The following GRIK2 variants were observed in gnomAD, a reference collection of about 807,000 sequenced individuals.
GRIK2 encodes the protein glutamate receptor ionotropic, kainate 2.
Under a neutral mutation model 100.3 loss-of-function variants are expected in GRIK2, and 32 were observed. The observed-to-expected ratio is 0.32, with a 90% confidence interval of 0.24 to 0.43. The LOEUF (loss-of-function observed/expected upper bound fraction) is 0.43. Ranked by LOEUF, GRIK2 falls within the 20% of genes least tolerant of loss-of-function variation. The pLI is 1.00. For missense variants in GRIK2, 843 were observed against 1,114.9 expected (o/e 0.76, Z 3.47); for synonymous variants, 417 against 389.4 (o/e 1.07, Z -0.83).
intron 2 of GRIK2, among the ~76,000 whole-genome samples, chr6:101,422,651 C>T (rs762230846): frequency 6.6e-6 from 1 of 151,620 alleles, no homozygotes; most frequent in Non-Finnish European, 1.5e-5. Context: ...TTACTCCACC[C>T]CTGCCTTTGA....
At chr6:102,015,055 T>C (rs986920770) in intron 14 of GRIK2, among the ~76,000 whole-genome samples, 44 of 152,158 alleles carry the variant, frequency 2.9e-4, no homozygotes, top group African/African-American at 1.0e-3. Flanking sequence ...AGTTTCCCAC[T>C]ATTATTTTGT....
chr6:101,826,603 C>T (rs945935728), intron 10 of GRIK2, among the ~76,000 whole-genome samples: 1 of 151,852 alleles, frequency 6.6e-6, no homozygotes, highest in African/African-American at 2.4e-5. Flanking sequence ...TCTCCTTTCC[C>T]ATCAAACCTT....
At chr6:101,419,186 C>T (rs1040608199) in intron 2 of GRIK2, among the ~76,000 whole-genome samples, 1 of 152,108 alleles carries the variant, frequency 6.6e-6, no homozygotes, top group African/African-American at 2.4e-5. Context: ...TCTTACTTTT[C>T]CTGTCACATG....
chr6:101,446,088 T>G (rs1770358828), intron 2 of GRIK2, among the ~76,000 whole-genome samples: 1 of 151,986 alleles, frequency 6.6e-6, no homozygotes, highest in African/African-American at 2.4e-5. Flanking sequence ...CTCTATCCAC[T>G]CAGCACCTGG....
chr6:101,637,178 C>T (rs1007259828), intron 4 of GRIK2, among the ~76,000 whole-genome samples: 5 of 152,042 alleles, frequency 3.3e-5, no homozygotes, highest in South Asian at 2.1e-4. Context: ...TTGTTTACCT[C>T]GTTCTCCCTA....
At chr6:101,726,857 A>G (rs1402567195) in intron 7 of GRIK2, among the ~76,000 whole-genome samples, 1 of 151,998 alleles carries the variant, frequency 6.6e-6, no homozygotes, top group Admixed American at 6.6e-5. Context: ...GTTTTTTATA[A>G]CATCTCCACA....
At chr6:101,472,166 A>G (rs1342160417) in intron 2 of GRIK2, among the ~76,000 whole-genome samples, 1 of 151,826 alleles carries the variant, frequency 6.6e-6, no homozygotes, top group East Asian at 1.9e-4. Context: ...TTTTTTTCAG[A>G]TGGCATGCTT....
chr6:101,990,036 G>T (rs983618837), intron 14 of GRIK2, among the ~76,000 whole-genome samples: 2 of 151,602 alleles, frequency 1.3e-5, no homozygotes, highest in African/African-American at 2.4e-5. Context: ...TAGTTGCTCT[G>T]AAACTGTCAT....
In GRIK2 at chr6:101,961,827, T is replaced by G. The variant is rs147986184; in HGVS notation, c.2085+33195T>G. 3.8e-3 allele frequency among the ~76,000 whole-genome samples: 577 copies of G among 152,210 alleles called. 5 individuals carry two copies. Among genetic ancestry groups the G allele is most frequent in the Non-Finnish European group, 7.0e-3 (473 of 68,010 alleles). On this transcript the variant is annotated intron_variant, in intron 14 of 16. Coordinates refer to ENST00000369134, the MANE Select transcript of GRIK2 (RefSeq NM_021956.5). ...TTCTGGTTGCTGCTGTCCAAGTAGA[T>G]TCTAAGGAATGTCTATAAGGGATCT... is the stretch of plus-strand genomic sequence containing the variant.
At chr6:101,710,554 CAT>C (rs901338468) in intron 7 of GRIK2, among the ~76,000 whole-genome samples, 1 of 151,746 alleles carries the variant, frequency 6.6e-6, no homozygotes, top group African/African-American at 2.4e-5. Flanking sequence ...ATATTTTTGT[CAT>C]ATTTAATCTA....
intron 2 of GRIK2, among the ~76,000 whole-genome samples, chr6:101,479,207 A>T (rs1465099689): frequency 1.3e-5 from 2 of 152,222 alleles, no homozygotes; most frequent in African/African-American, 4.8e-5. Context: ...CTTTGACGTA[A>T]TTTTTCTCTA....
chr6:101,864,635 A>G (rs1434012218), intron 11 of GRIK2, among the ~76,000 whole-genome samples: 1 of 152,154 alleles, frequency 6.6e-6, no homozygotes, highest in Non-Finnish European at 1.5e-5. Context: ...CAAGAAAAGT[A>G]GTTATTATTA....
chr6:102,068,578 C>T lies in GRIK2; in HGVS notation c.*67C>T. On this transcript the variant is annotated 3_prime_UTR_variant, in exon 17 of 17. Coordinates refer to ENST00000369134, the MANE Select transcript of GRIK2 (RefSeq NM_021956.5). ...TCCAAACAATTTAGCCAGAATGTTT[C>T]CTGTGGAAATATGCAACCTGTGCAA... 1 of 1,429,570 alleles carries T rather than the reference C, an allele frequency of 7.0e-7. No individual in the cohort carries two copies. Among genetic ancestry groups the T allele is most frequent in the Non-Finnish European group, 9.7e-7 (1 of 1,032,040 alleles). 88.6% of individuals were successfully genotyped at this position (1,429,570 alleles called of 1,614,324 possible).
intron 14 of GRIK2, among the ~76,000 whole-genome samples, chr6:101,977,569 C>T (rs1364441528): frequency 6.6e-6 from 1 of 151,904 alleles, no homozygotes; most frequent in African/African-American, 2.4e-5. Flanking sequence ...GCAGGCATGG[C>T]CCAGATTTAT....
At chr6:101,990,443 C>T (rs182002082) in intron 14 of GRIK2, among the ~76,000 whole-genome samples, 42 of 151,768 alleles carry the variant, frequency 2.8e-4, no homozygotes, top group African/African-American at 9.4e-4. Context: ...TTCATTTTCT[C>T]ACTCCAATTT....
At chr6:101,656,795 T>C (rs1769217703) in intron 4 of GRIK2, among the ~76,000 whole-genome samples, 1 of 152,202 alleles carries the variant, frequency 6.6e-6, no homozygotes, top group East Asian at 1.9e-4. Context: ...GTCAGACATT[T>C]AAGTTTCTTA....
chr6:101,549,164 A>G (rs975786503), intron 2 of GRIK2, among the ~76,000 whole-genome samples: 1 of 152,192 alleles, frequency 6.6e-6, no homozygotes, highest in African/African-American at 2.4e-5. Context: ...AATTAGAAGA[A>G]GAAACACATA....
chr6:102,059,277 A>G (rs1350800628), intron 16 of GRIK2, among the ~76,000 whole-genome samples: 1 of 151,370 alleles, frequency 6.6e-6, no homozygotes, highest in Non-Finnish European at 1.5e-5. Context: ...TGATGTAAAT[A>G]TTAATGCCTC....
chr6:101,693,604 T>C (rs1433171497), intron 7 of GRIK2, among the ~76,000 whole-genome samples: 1 of 152,010 alleles, frequency 6.6e-6, no homozygotes, highest in Non-Finnish European at 1.5e-5. Context: ...CGTGGACTTA[T>C]TAGCCTCTTA....
Sources: gnomAD v4.1 joint callset for allele counts (sites outside exome capture counted in the v4.1 genomes callset) on GRCh38, gnomAD v4.1.1 for gene constraint, MANE v1.5 for transcripts, NCBI Gene and HGNC (gene_info 2026-07-23, HGNC 2026-07-21) for gene names.